Variants in PKHD1 observed in about 807,000 individuals in gnomAD.
The protein encoded by PKHD1 is fibrocystin.
A neutral mutation model predicts 412.0 loss-of-function variants in PKHD1; 291 were observed. The observed-to-expected ratio is 0.71, with a 90% CI of 0.64 to 0.78. PKHD1 has a LOEUF of 0.78. Among genes scored for constraint, PKHD1 ranks in the 30% least tolerant of loss-of-function variants. The pLI, the probability that PKHD1 is intolerant of heterozygous loss-of-function variation, is 0.00. For missense variants in PKHD1, 4,825 were observed against 4,950.7 expected (o/e 0.97, Z 0.76); for synonymous variants, 1,777 against 1,821.5 (o/e 0.98, Z 0.62).
At chr6:51,914,456 T>C (rs1783466667) in intron 37 of PKHD1, among the ~76,000 whole-genome samples, 1 of 152,142 alleles carries the variant, frequency 6.6e-6, no homozygotes, top group Admixed American at 6.6e-5. Context: ...CTCATATTTC[T>C]AGCTACATAG....
At chr6:52,060,806 T>A (rs1209844876) in intron 14 of PKHD1, among the ~76,000 whole-genome samples, 1 of 152,146 alleles carries the variant, frequency 6.6e-6, no homozygotes, top group Non-Finnish European at 1.5e-5. Flanking sequence ...ATTTCATACC[T>A]AAAAATAGCT....
intron 43 of PKHD1, among the ~76,000 whole-genome samples, chr6:51,902,546 G>T (rs1781447144): frequency 6.6e-6 from 1 of 152,138 alleles, no homozygotes. Flanking sequence ...TTTTACTAGG[G>T]TTTATTCAGC....
At chr6:51,684,365 T>A (rs1777139716) in intron 60 of PKHD1, among the ~76,000 whole-genome samples, 1 of 152,108 alleles carries the variant, frequency 6.6e-6, no homozygotes, top group Admixed American at 6.6e-5. Context: ...ATTTGTTAAT[T>A]GGAGTAACTC....
chr6:51,976,880 G>A (rs541012172), intron 35 of PKHD1, among the ~76,000 whole-genome samples: 41 of 144,290 alleles, frequency 2.8e-4, no homozygotes, highest in African/African-American at 1.0e-3. Flanking sequence ...CCCGGGAGGC[G>A]GAGGTTGCAG....
chr6:51,691,781 C>G (rs552647270), intron 60 of PKHD1, among the ~76,000 whole-genome samples: 1 of 152,118 alleles, frequency 6.6e-6, no homozygotes, highest in Non-Finnish European at 1.5e-5. Context: ...ATGTAAAAAA[C>G]CTGCACTTGT....
intron 60 of PKHD1, among the ~76,000 whole-genome samples, chr6:51,666,897 G>A (rs1010283132): frequency 6.6e-6 from 1 of 151,994 alleles, no homozygotes; most frequent in Non-Finnish European, 1.5e-5. Context: ...TGGCTCCATA[G>A]TATTCCATGG....
At chr6:51,665,756 A>C (rs1773652214) in intron 60 of PKHD1, among the ~76,000 whole-genome samples, 2 of 152,182 alleles carry the variant, frequency 1.3e-5, no homozygotes, top group South Asian at 4.1e-4. Context: ...TGTAGATAAG[A>C]CAGAACTCAT....
At chr6:51,751,221 T>C (rs1459029827) in intron 57 of PKHD1, among the ~76,000 whole-genome samples, 3 of 152,174 alleles carry the variant, frequency 2.0e-5, no homozygotes, top group Admixed American at 6.5e-5. Flanking sequence ...AATATAAAAG[T>C]AGGACTCAAA....
chr6:51,680,786 G>A (rs1582044580), intron 60 of PKHD1, among the ~76,000 whole-genome samples: 1 of 151,906 alleles, frequency 6.6e-6, no homozygotes, highest in East Asian at 1.9e-4. Context: ...ATAGTGAAAA[G>A]TCACAAATAT....
At chr6:51,961,619 T>TA (rs1792050207) in intron 35 of PKHD1, among the ~76,000 whole-genome samples, 1 of 152,102 alleles carries the variant, frequency 6.6e-6, no homozygotes, top group Non-Finnish European at 1.5e-5. Context: ...TATACATTCT[T>TA]ATAACCCTTT....
chr6:51,896,138 C>A (rs373511918), intron 43 of PKHD1, among the ~76,000 whole-genome samples: 15 of 152,216 alleles, frequency 9.9e-5, no homozygotes, highest in African/African-American at 3.1e-4. Context: ...CAAAGCAGCC[C>A]GGAAGCTCGA....
At chr6:51,777,701 A>G (rs1791282245) in intron 53 of PKHD1, among the ~76,000 whole-genome samples, 4 of 49,696 alleles carry the variant, frequency 8.0e-5, no homozygotes, top group East Asian at 5.9e-3. Flanking sequence ...AAAAAAAAAA[A>G]AAAAAAAAAA....
At chr6:51,627,652 A>G (rs901950714) in intron 65 of PKHD1, among the ~76,000 whole-genome samples, 1 of 152,066 alleles carries the variant, frequency 6.6e-6, no homozygotes, top group Non-Finnish European at 1.5e-5. Context: ...AGAAATATAC[A>G]GGGAGGATTC....
intron 60 of PKHD1, among the ~76,000 whole-genome samples, chr6:51,730,289 C>T (rs1453415296): frequency 1.3e-5 from 2 of 152,066 alleles, no homozygotes; most frequent in Middle Eastern, 3.4e-3. Context: ...AAGAAGTATC[C>T]CTGTAACTCT....
chr6:51,954,646 T>C (rs1344257814), intron 36 of PKHD1, among the ~76,000 whole-genome samples: 1 of 152,098 alleles, frequency 6.6e-6, no homozygotes, highest in African/African-American at 2.4e-5. Flanking sequence ...TTTTCATGTG[T>C]GTATGTGTGT....
At chr6:52,005,143 C>T (rs1470838053) in intron 35 of PKHD1, among the ~76,000 whole-genome samples, 2 of 152,196 alleles carry the variant, frequency 1.3e-5, no homozygotes, top group African/African-American at 2.4e-5. Context: ...CAGAAAGCCA[C>T]ATTCCTTGAC....
chr6:51,982,184 G>T (rs1451516528), intron 35 of PKHD1, among the ~76,000 whole-genome samples: 2 of 43,240 alleles, frequency 4.6e-5, no homozygotes, highest in African/African-American at 1.5e-4. Context: ...CGGGAGGGAG[G>T]TGGGGGGGTC....
intron 52 of PKHD1, among the ~76,000 whole-genome samples, chr6:51,811,855 A>G (rs189096251): frequency 1.7e-3 from 261 of 152,364 alleles, no homozygotes; most frequent in African/African-American, 4.5e-3. Context: ...GAGGGCAAAA[A>G]GAAAGGGCTA....
At chr6:51,698,213 A>G (rs976545473) in intron 60 of PKHD1, among the ~76,000 whole-genome samples, 2 of 152,240 alleles carry the variant, frequency 1.3e-5, no homozygotes, top group Admixed American at 1.3e-4. Context: ...AAAACCCATT[A>G]GACTAGACAG....
Sources: allele counts gnomAD v4.1 joint callset (sites outside exome capture counted in the v4.1 genomes callset), GRCh38; gene constraint gnomAD v4.1.1; transcripts MANE v1.5; gene names NCBI Gene and HGNC (gene_info 2026-07-23, HGNC 2026-07-21).